Variants in MIER1 observed in about 807,000 individuals in gnomAD.
MIER1 encodes mesoderm induction early response protein 1.
MIER1 carries 40 observed loss-of-function variants against 75.7 expected under a neutral mutation model. That is an observed-to-expected ratio of 0.53 (90% CI 0.41 to 0.69). MIER1 has a LOEUF of 0.69. Among genes scored for constraint, MIER1 ranks in the 30% least tolerant of loss-of-function variants. MIER1 has a pLI of 0.00. For missense variants in MIER1, 574 were observed against 680.2 expected (o/e 0.84, Z 1.74); for synonymous variants, 213 against 223.4 (o/e 0.95, Z 0.42).
chr1:66,977,097 A>C (rs1054864276), intron 12 of MIER1, among the ~76,000 whole-genome samples: 6 of 151,926 alleles, frequency 3.9e-5, no homozygotes, highest in Admixed American at 6.6e-5. Context: ...GTATAAGCAC[A>C]TACAGTTTTA....
chr1:66,945,451 A>G (rs926783808), intron 3 of MIER1, among the ~76,000 whole-genome samples: 7 of 152,020 alleles, frequency 4.6e-5, no homozygotes, highest in African/African-American at 1.2e-4. Context: ...AATGTTTTCA[A>G]TCTGCTGTTG....
intron 2 of MIER1, chr1:66,929,184 T>C: frequency 1.7e-6 from 1 of 594,098 alleles, no homozygotes; most frequent in Non-Finnish European, 3.0e-6. Flanking sequence ...ATTGTATATG[T>C]ACACATTTAT....
intron 12 of MIER1, among the ~76,000 whole-genome samples, chr1:66,977,310 G>C (rs1570509222): frequency 6.6e-6 from 1 of 151,936 alleles, no homozygotes; most frequent in African/African-American, 2.4e-5. Context: ...GGGTTTCACT[G>C]TGTTGACCAG....
rs1205940858 is a variant in MIER1 at position 66,988,354 on chromosome 1, C to T, written c.*3454C>T. Reference sequence around the variant, plus strand: ...TCTCTTCTTTAATATCAAGTTCATCCTTTGCAGAATCTTAAAGGGTTTTCC... The same window carrying T: ...TCTCTTCTTTAATATCAAGTTCATCTTTTGCAGAATCTTAAAGGGTTTTCC... On this transcript the variant is annotated 3_prime_UTR_variant, in exon 14 of 14. Coordinates refer to ENST00000401041, the MANE Select transcript of MIER1 (RefSeq NM_001077700.3). 1 of 152,006 alleles carries T rather than the reference C, an allele frequency of 6.6e-6. No individual in the cohort carries two copies. Among genetic ancestry groups the T allele is most frequent in the Non-Finnish European group, 1.5e-5 (1 of 67,804 alleles). The allele number at this position is 152,006 out of a possible 1,614,324, so 9.4% of individuals were successfully genotyped here.
intron 11 of MIER1, among the ~76,000 whole-genome samples, chr1:66,974,946 T>G (rs1259569866): frequency 5.3e-5 from 8 of 152,180 alleles, no homozygotes; most frequent in Non-Finnish European, 7.4e-5. Flanking sequence ...TACAGTTGAC[T>G]TAGTTCGAAT....
chr1:66,928,442 T>C (rs761759911), intron 2 of MIER1, among the ~76,000 whole-genome samples: 3 of 152,190 alleles, frequency 2.0e-5, no homozygotes, highest in African/African-American at 7.2e-5. Flanking sequence ...AATTTTCCTT[T>C]GGTAGCCAAA....
At chr1:66,974,015 TG>T (rs1664198915) in intron 11 of MIER1, among the ~76,000 whole-genome samples, 1 of 152,126 alleles carries the variant, frequency 6.6e-6, no homozygotes, top group Non-Finnish European at 1.5e-5. Context: ...TAATATTTTT[TG>T]TTATTAATAA....
chr1:66,946,152 G>T lies in MIER1; in HGVS notation c.196G>T (p.Gly66Cys). The T allele has an allele frequency of 6.2e-7, 1 of 1,603,318 alleles. No homozygotes were observed. The highest frequency in any genetic ancestry group is 1.3e-5 in the African/African-American group (1 of 74,542). ...LPSVESSSPG[G>C]SATSDDHEFD... is the part of the protein sequence containing the mutation. The stretch of plus-strand genomic sequence containing the variant: ...CTTTTTGAAATATTCCTTACCAGGA[G>T]GTTCAGCAACATCAGATGACCATGA... Residue 66 changes from glycine (G) to cysteine (C), a missense_variant and splice_region_variant, in exon 4 of 14, where the codon GGT becomes TGT. Physicochemically the swap from Gly to Cys is radical, Grantham distance 159. Around this residue, in one of 3 missense-constraint regions of MIER1, gnomAD observed 309 missense variants for 352.8 expected, o/e 0.88. Transcript: ENST00000401041.
chr1:66,977,897 A>G (rs1348495170), intron 12 of MIER1, among the ~76,000 whole-genome samples: 1 of 152,048 alleles, frequency 6.6e-6, no homozygotes, highest in East Asian at 1.9e-4. Flanking sequence ...CCAAATAATT[A>G]CCTTCGAAAG....
intron 1 of MIER1, among the ~76,000 whole-genome samples, chr1:66,925,886 A>G (rs911001719): frequency 7.9e-5 from 12 of 152,252 alleles, no homozygotes; most frequent in African/African-American, 2.7e-4. Context: ...CGCTTCACCA[A>G]GATGACCCGG....
chr1:66,932,458 C>T (rs543252689), intron 2 of MIER1, among the ~76,000 whole-genome samples: 93 of 152,066 alleles, frequency 6.1e-4, no homozygotes, highest in African/African-American at 2.1e-3. Context: ...GATCTGTGTC[C>T]TACAAAAAAA....
intron 4 of MIER1, among the ~76,000 whole-genome samples, chr1:66,950,724 T>C (rs1478705647): frequency 6.6e-6 from 1 of 152,088 alleles, no homozygotes; most frequent in African/African-American, 2.4e-5. Flanking sequence ...ATTATATAGA[T>C]AGAAAAGAAA....
rs1385977084 is a variant in MIER1 at position 66,932,008 on chromosome 1, C to T, written c.168+5766C>T. 2.0e-5 allele frequency among the ~76,000 whole-genome samples: 3 copies of T among 151,976 alleles called. No homozygotes were observed. The South Asian group carries it at 6.2e-4, about 32-fold the overall frequency. Reference sequence around the variant, plus strand: ...GCAAGATATTACTGAAGGAAAATAGCTTATACAGAGAAATTTAAGTTAAAA... The same window carrying T: ...GCAAGATATTACTGAAGGAAAATAGTTTATACAGAGAAATTTAAGTTAAAA... On this transcript the variant is annotated intron_variant, in intron 2 of 13. Transcript: ENST00000401041.
intron 8 of MIER1, among the ~76,000 whole-genome samples, chr1:66,969,655 A>T (rs1187933979): frequency 6.8e-6 from 1 of 147,164 alleles, no homozygotes; most frequent in African/African-American, 2.5e-5. Context: ...GCTGTTAGTT[A>T]TTCTTTGTCT....
Position 66,985,847 on chromosome 1 carries a change from C to G in MIER1, c.*947C>G. Reference sequence around the variant, plus strand: ...TTTTTTTTTTTTTTTTAAATTTCTACTTAAGGGCAAGTAATTTGAGAATTC... The same window carrying G: ...TTTTTTTTTTTTTTTTAAATTTCTAGTTAAGGGCAAGTAATTTGAGAATTC... On this transcript the variant is annotated 3_prime_UTR_variant, in exon 14 of 14. Transcript: ENST00000401041. 8.1e-6 allele frequency: 4 copies of G among 490,904 alleles called. No homozygotes were observed. Among genetic ancestry groups the G allele is most frequent in the Non-Finnish European group, 1.0e-5 (4 of 396,264 alleles). 30.4% of individuals were successfully genotyped at this position (490,904 alleles called of 1,614,324 possible).
rs1472545797 is a variant in MIER1, at chr1:66,971,078, C to A, written c.924+119C>A. 12 of 893,832 alleles carry A rather than the reference C, an allele frequency of 1.3e-5. No individual in the cohort carries two copies. The African/African-American group carries it at 2.1e-4, about 16-fold the overall frequency. 55.4% of individuals were successfully genotyped at this position (893,832 alleles called of 1,614,324 possible). On this transcript the variant is annotated intron_variant, in intron 9 of 13. Transcript: ENST00000401041. ...TTTTATAACATTATTGACAGGGAAT[C>A]TGAGGTTATAATCCCTGTAAGATAT... is the stretch of plus-strand genomic sequence containing the variant.
chr1:66,947,543 C>T (rs1191426449), intron 4 of MIER1: 3 of 152,116 alleles, frequency 2.0e-5, no homozygotes, highest in African/African-American at 4.8e-5. Flanking sequence ...ATCCCTTAGC[C>T]GACTCTTGAT....
At chr1:66,976,447 C>A (rs1333600764) in intron 11 of MIER1, 148 bp from the exon 12 acceptor site, 22 of 542,432 alleles carry the variant, frequency 4.1e-5, no homozygotes, top group Non-Finnish European at 6.3e-5. Flanking sequence ...GAATAGCTTT[C>A]AACATAGCTG....
At chr1:66,949,582 A>T (rs1370769098) in intron 4 of MIER1, among the ~76,000 whole-genome samples, 1 of 152,242 alleles carries the variant, frequency 6.6e-6, no homozygotes, top group Non-Finnish European at 1.5e-5. Context: ...TAAAGCTTTA[A>T]GTAGCATAGA....
Sources: gnomAD v4.1 joint callset for allele counts (sites outside exome capture counted in the v4.1 genomes callset) on GRCh38, gnomAD v4.1.1 for gene constraint, gnomAD v4.1.1 regional missense constraint, MANE v1.5 for transcripts, NCBI Gene and HGNC (gene_info 2026-07-23, HGNC 2026-07-21) for gene names.